MACROD2: variants seen among roughly 807,000 people sequenced by gnomAD.
MACROD2 encodes the protein mono-ADP ribosylhydrolase 2, also known as ADP-ribose glycohydrolase MACROD2.
A neutral mutation model predicts 70.4 loss-of-function variants in MACROD2; 36 were observed. The ratio of observed to expected loss-of-function variants is 0.51; its 90% CI spans 0.39 to 0.68. MACROD2 has a LOEUF of 0.68. MACROD2 is among the 30% of genes least tolerant of loss of function. The pLI, the probability that MACROD2 is intolerant of heterozygous loss-of-function variation, is 0.00. For synonymous variants in MACROD2, 172 were observed against 178.8 expected (o/e 0.96, Z 0.30); for missense variants, 496 against 538.4 (o/e 0.92, Z 0.78).
At chr20:14,255,889 T>C (rs1021318337) in intron 3 of MACROD2, among the ~76,000 whole-genome samples, 3 of 151,932 alleles carry the variant, frequency 2.0e-5, no homozygotes, top group African/African-American at 7.2e-5. Flanking sequence ...GTTTTACTTT[T>C]ATGAAGGGCC....
At chr20:15,080,432 G>C (rs1287584817) in intron 5 of MACROD2, among the ~76,000 whole-genome samples, 2 of 152,012 alleles carry the variant, frequency 1.3e-5, no homozygotes, top group Non-Finnish European at 2.9e-5. Context: ...CTTCCTTTCC[G>C]AAACACCTTG....
chr20:15,907,587 C>G (rs2065166741), intron 10 of MACROD2, among the ~76,000 whole-genome samples: 1 of 152,200 alleles, frequency 6.6e-6, no homozygotes, highest in African/African-American at 2.4e-5. Context: ...TGTTTATGCA[C>G]CTTTTTTTGT....
At chr20:15,825,938 T>G (rs1269017065) in intron 8 of MACROD2, among the ~76,000 whole-genome samples, 2 of 152,130 alleles carry the variant, frequency 1.3e-5, no homozygotes, top group Non-Finnish European at 2.9e-5. Flanking sequence ...AAAATTCAAA[T>G]TCTCTGCCCA....
chr20:15,109,453 C>A (rs1159431916), intron 5 of MACROD2, among the ~76,000 whole-genome samples: 1 of 152,126 alleles, frequency 6.6e-6, no homozygotes, highest in Non-Finnish European at 1.5e-5. Context: ...GGGTTGCTGA[C>A]AGTGCTTAAT....
chr20:15,761,474 C>G (rs192210135), intron 8 of MACROD2, among the ~76,000 whole-genome samples: 1 of 152,116 alleles, frequency 6.6e-6, no homozygotes, highest in African/African-American at 2.4e-5. Context: ...TTTAATTGTG[C>G]AAGAGATAAC....
chr20:14,061,055 G>A (rs921751014), intron 2 of MACROD2, among the ~76,000 whole-genome samples: 1 of 152,100 alleles, frequency 6.6e-6, no homozygotes, highest in African/African-American at 2.4e-5. Flanking sequence ...CACACTGATT[G>A]TTTTACTAAT....
intron 8 of MACROD2, among the ~76,000 whole-genome samples, chr20:15,543,456 A>G (rs1025657507): frequency 4.6e-5 from 7 of 152,220 alleles, no homozygotes; most frequent in Admixed American, 6.5e-5. Flanking sequence ...CAGTGCCACA[A>G]CCATTGAAAG....
chr20:15,498,735 T>C (rs1161768347), intron 7 of MACROD2, among the ~76,000 whole-genome samples: 1 of 152,218 alleles, frequency 6.6e-6, no homozygotes, highest in Non-Finnish European at 1.5e-5. Flanking sequence ...ATTCTGGAAT[T>C]AGTGATGATG....
chr20:14,776,222 G>T (rs1298222293), intron 5 of MACROD2, among the ~76,000 whole-genome samples: 1 of 152,022 alleles, frequency 6.6e-6, no homozygotes, highest in Non-Finnish European at 1.5e-5. Flanking sequence ...CAAAGAGTGG[G>T]TTTGGGGTTT....
At chr20:14,087,916 A>G (rs1399625216) in intron 3 of MACROD2, among the ~76,000 whole-genome samples, 1 of 152,122 alleles carries the variant, frequency 6.6e-6, no homozygotes, top group Admixed American at 6.5e-5. Context: ...AGAGATATAT[A>G]TACACATATA....
intron 8 of MACROD2, among the ~76,000 whole-genome samples, chr20:15,782,739 A>AAAAG (rs35320082): frequency 1.3e-5 from 2 of 149,280 alleles, no homozygotes; most frequent in East Asian, 4.0e-4. Context: ...AAAAAAAAAA[A>AAAAG]GTTGTTGGTG....
At chr20:14,810,212 C>T (rs1381972151) in intron 5 of MACROD2, among the ~76,000 whole-genome samples, 2 of 152,072 alleles carry the variant, frequency 1.3e-5, no homozygotes, top group East Asian at 1.9e-4. Flanking sequence ...CAAACCAAAT[C>T]CAACAGCATA....
intron 4 of MACROD2, among the ~76,000 whole-genome samples, chr20:14,684,284 G>A (rs759835308): frequency 1.3e-5 from 2 of 152,194 alleles, no homozygotes; most frequent in Non-Finnish European, 2.9e-5. Flanking sequence ...GTTGTGGGGA[G>A]AAGTTGCTCA....
intron 2 of MACROD2, among the ~76,000 whole-genome samples, chr20:14,039,406 C>T (rs1391316917): frequency 1.3e-5 from 2 of 152,140 alleles, no homozygotes; most frequent in East Asian, 3.9e-4. Context: ...ATGATGTTAC[C>T]AAAGGCACGT....
chr20:16,051,994 C>A lies in MACROD2; in HGVS notation c.*2118C>A, dbSNP rs957162362. The A allele has an allele frequency of 2.0e-5, 3 of 152,244 alleles. No homozygotes were observed. The highest frequency in any genetic ancestry group is 7.2e-5 in the African/African-American group (3 of 41,560). 9.4% of individuals were successfully genotyped at this position (152,244 alleles called of 1,614,324 possible). A position where few individuals can be genotyped will look rare whatever the true frequency, so the allele number is the denominator to read the frequency against. ...TGACAGTCATTTTATTCATTTATTT[C>A]AAATGTGGGTGGGCTAGAAGTGGAA... On this transcript the variant is annotated 3_prime_UTR_variant, in exon 18 of 18. Coordinates refer to ENST00000684519, the MANE Select transcript of MACROD2 (RefSeq NM_001351661.2).
intron 5 of MACROD2, among the ~76,000 whole-genome samples, chr20:14,972,828 T>C (rs1481540578): frequency 1.3e-5 from 2 of 152,178 alleles, no homozygotes; most frequent in East Asian, 1.9e-4. Context: ...TTGACACAGC[T>C]GATTAGGGAA....
chr20:15,113,970 G>T (rs1440299384), intron 5 of MACROD2, among the ~76,000 whole-genome samples: 1 of 152,072 alleles, frequency 6.6e-6, no homozygotes, highest in Non-Finnish European at 1.5e-5. Context: ...GCATAAGAAG[G>T]CCACAGCTAT....
chr20:15,338,122 G>A (rs1451551442), intron 6 of MACROD2, among the ~76,000 whole-genome samples: 1 of 151,348 alleles, frequency 6.6e-6, no homozygotes, highest in Non-Finnish European at 1.5e-5. Flanking sequence ...TCCAAGCAAT[G>A]CTTATTTCTC....
chr20:14,693,567 T>G (rs1277003214), intron 5 of MACROD2, among the ~76,000 whole-genome samples: 2 of 152,214 alleles, frequency 1.3e-5, no homozygotes, highest in East Asian at 3.8e-4. Flanking sequence ...GTGAATGTAT[T>G]AACTCTCCCT....
Sources: gnomAD v4.1 joint callset for allele counts (sites outside exome capture counted in the v4.1 genomes callset) on GRCh38, gnomAD v4.1.1 for gene constraint, MANE v1.5 for transcripts, NCBI Gene and HGNC (gene_info 2026-07-23, HGNC 2026-07-21) for gene names.